POMP: variants seen among roughly 807,000 people sequenced by gnomAD.
The protein encoded by POMP is 2510048O06Rik.
POMP carries 12 observed loss-of-function variants against 20.6 expected under a neutral mutation model. That is an observed-to-expected ratio of 0.58 (90% CI 0.37 to 0.94). POMP has a LOEUF of 0.94. Ranked by LOEUF, POMP falls within the 40% of genes least tolerant of loss-of-function variation. The probability of loss-of-function intolerance (pLI) is 0.01; values close to 1 mark genes in which losing one functional copy is unlikely to be tolerated. For synonymous variants in POMP, 53 were observed against 55.0 expected, an observed-to-expected ratio of 0.96 and a Z score of 0.16; for missense variants, 136 against 161.1, an observed-to-expected ratio of 0.84 and a Z score of 0.84.
chr13:28,675,467 A>T (rs1884612937), intron 5 of POMP, among the ~76,000 whole-genome samples: 2 of 152,138 alleles, frequency 1.3e-5, no homozygotes, highest in Non-Finnish European at 2.9e-5. Flanking sequence ...CACCTGGTAG[A>T]TGATTACAGT....
At chr13:28,668,390 A>G in intron 3 of POMP, 83 bp from the exon 4 acceptor site, 2 of 928,912 alleles carry the variant, frequency 2.2e-6, no homozygotes, top group Non-Finnish European at 1.7e-6. Context: ...TCATCTAACT[A>G]TTGTGTTATA....
chr13:28,662,382 TTAA>T, intron 1 of POMP, 25 bp from the exon 2 acceptor site: 2 of 1,555,906 alleles, frequency 1.3e-6, no homozygotes, highest in Non-Finnish European at 1.8e-6. Flanking sequence ...TTTTTTCTAT[TTAA>T]TAATGTTTTT....
intron 5 of POMP, among the ~76,000 whole-genome samples, chr13:28,673,633 C>G (rs1884586884): frequency 6.6e-6 from 1 of 152,174 alleles, no homozygotes; most frequent in South Asian, 2.1e-4. Context: ...AGCCTCCTTT[C>G]AGAATCTTCC....
chr13:28,659,369 G>T lies in POMP; in HGVS notation c.3+182G>T, dbSNP rs59496599. On this transcript the variant is annotated intron_variant, in intron 1 of 5. Transcript: ENST00000380842. ...GTTTGGGTGGGTCGTGACTGTCGCCGGGGCCCGGCACTAGTCCCACTAGCA... is the reference window on the plus strand; with the variant it reads ...GTTTGGGTGGGTCGTGACTGTCGCCTGGGCCCGGCACTAGTCCCACTAGCA... 2.0e-5 allele frequency among the ~76,000 whole-genome samples: 3 copies of T among 152,302 alleles called. No homozygotes were observed. In the South Asian group the frequency reaches 6.2e-4, roughly 32 times the overall value.
chr13:28,674,722 G>A (rs1884601145), intron 5 of POMP, among the ~76,000 whole-genome samples: 1 of 152,192 alleles, frequency 6.6e-6, no homozygotes, highest in African/African-American at 2.4e-5. Context: ...AGGATGTAAT[G>A]TGATGGAATT....
intron 4 of POMP, 56 bp from the exon 5 acceptor site, chr13:28,672,283 C>G: frequency 7.8e-7 from 1 of 1,285,768 alleles, no homozygotes; most frequent in Non-Finnish European, 1.1e-6. Context: ...ACTATATATT[C>G]TGTCATTTTC....
chr13:28,678,219 A>G lies in POMP; in HGVS notation c.*117A>G. ...ACCTGAGAATTTCTGCTCAAGTAGT[A>G]TCAGTGATCATTTAAAATTTGGAGG... On this transcript the variant is annotated 3_prime_UTR_variant, in exon 6 of 6. Coordinates refer to ENST00000380842, the MANE Select transcript of POMP (RefSeq NM_015932.6). 4.9e-6 allele frequency: 5 copies of G among 1,013,966 alleles called. No individual in the cohort carries two copies. The South Asian group carries it at 6.6e-5, about 13-fold the overall frequency. 62.8% of individuals were successfully genotyped at this position (1,013,966 alleles called of 1,614,324 possible).
Position 28,678,151 on chromosome 13 carries a change from C to T in POMP, c.*49C>T, listed in dbSNP as rs762199983. 1 of 1,516,804 alleles carries T rather than the reference C, an allele frequency of 6.6e-7. No homozygotes were observed. Among genetic ancestry groups the T allele is most frequent in the African/African-American group, 1.4e-5 (1 of 72,562 alleles). The allele number at this position is 1,516,804 out of a possible 1,614,324, so 94.0% of individuals were successfully genotyped here. ...AGGGCTGCATCTTGTTTATAGTCAT[C>T]TTTGTACTGTAATTTGATGTACACA... is the stretch of plus-strand genomic sequence containing the variant. On this transcript the variant is annotated 3_prime_UTR_variant, in exon 6 of 6. Coordinates refer to ENST00000380842, the MANE Select transcript of POMP (RefSeq NM_015932.6).
intron 5 of POMP, among the ~76,000 whole-genome samples, chr13:28,676,948 G>A (rs111750249): frequency 5.8e-4 from 88 of 152,260 alleles, no homozygotes; most frequent in African/African-American, 2.1e-3. Flanking sequence ...CTGTCTTTTG[G>A]TGCAAGTGAT....
chr13:28,673,175 A>G (rs1190437316), intron 5 of POMP, among the ~76,000 whole-genome samples: 1 of 151,546 alleles, frequency 6.6e-6, no homozygotes, highest in Non-Finnish European at 1.5e-5. Context: ...AGTTCAAGCA[A>G]TTCTCCTGCC....
intron 2 of POMP, among the ~76,000 whole-genome samples, chr13:28,663,776 T>C (rs1329338004): frequency 6.6e-6 from 1 of 152,204 alleles, no homozygotes; most frequent in African/African-American, 2.4e-5. Context: ...GGCTAGGCAG[T>C]AACTAAGGTC....
At chr13:28,666,884 T>C (rs189325311) in intron 3 of POMP, among the ~76,000 whole-genome samples, 1 of 152,236 alleles carries the variant, frequency 6.6e-6, no homozygotes, top group Admixed American at 6.5e-5. Flanking sequence ...ACATTTTAGG[T>C]TGTCACAAGT....
intron 4 of POMP, 110 bp from the exon 5 acceptor site, chr13:28,672,229 G>T: frequency 1.2e-6 from 1 of 845,804 alleles, no homozygotes; most frequent in Non-Finnish European, 2.0e-6. Context: ...TCTTGTATTT[G>T]GTTTTGCGAA....
chr13:28,678,204 T>C lies in POMP; in HGVS notation c.*102T>C, dbSNP rs1318511315. 10 of 1,204,598 alleles carry C rather than the reference T, an allele frequency of 8.3e-6. No homozygotes were observed. The East Asian group carries it at 2.1e-4, about 26-fold the overall frequency. 74.6% of individuals were successfully genotyped at this position (1,204,598 alleles called of 1,614,324 possible). On this transcript the variant is annotated 3_prime_UTR_variant, in exon 6 of 6. Coordinates refer to ENST00000380842, the MANE Select transcript of POMP (RefSeq NM_015932.6). ...ATTAAAAGTACTGACACCTGAGAAT[T>C]TCTGCTCAAGTAGTATCAGTGATCA...
chr13:28,661,420 T>G (rs1884339831), intron 1 of POMP, among the ~76,000 whole-genome samples: 1 of 152,232 alleles, frequency 6.6e-6, no homozygotes, highest in South Asian at 2.1e-4. Context: ...TAGCCGTGAT[T>G]GCTCGACTGC....
In POMP at chr13:28,677,732, A is replaced by T. The variant is rs368561657; in HGVS notation, c.359-303A>T. ...CAATCTGTTTTTTCTTTTTAAATCCACTATTTTGAGATATTATTGACATAC... is the reference window on the plus strand; with the variant it reads ...CAATCTGTTTTTTCTTTTTAAATCCTCTATTTTGAGATATTATTGACATAC... On this transcript the variant is annotated intron_variant, in intron 5 of 5. Transcript: ENST00000380842. 2.4e-4 allele frequency among the ~76,000 whole-genome samples: 37 copies of T among 152,302 alleles called. No homozygotes were observed. In the South Asian group the frequency reaches 7.7e-3, roughly 32 times the overall value.
rs1413473473 is a variant in POMP at position 28,659,184 on chromosome 13, G to A, written c.-1G>A. On this transcript the variant is annotated 5_prime_UTR_variant, in exon 1 of 6. Transcript: ENST00000380842. ...AGAGGCTGTTCGCAGAGCTGCGGAA[G>A]ATGGTGAGTGGGTACCCGGGCGGCT... The A allele has an allele frequency of 6.3e-7, 1 of 1,589,986 alleles. No individual in the cohort carries two copies. The highest frequency in any genetic ancestry group is 8.6e-7 in the Non-Finnish European group (1 of 1,169,234).
chr13:28,665,314 TTTG>T (rs1192022483), intron 3 of POMP, among the ~76,000 whole-genome samples: 2 of 152,164 alleles, frequency 1.3e-5, no homozygotes, highest in Admixed American at 1.3e-4. Context: ...GTATTTTGTT[TTTG>T]TTGTTTGTTT....
At chr13:28,675,592 A>C (rs965596540) in intron 5 of POMP, among the ~76,000 whole-genome samples, 2 of 152,216 alleles carry the variant, frequency 1.3e-5, no homozygotes, top group African/African-American at 4.8e-5. Context: ...TCTGCCTCAA[A>C]TAGTTTACCC....
Sources: allele counts gnomAD v4.1 joint callset (sites outside exome capture counted in the v4.1 genomes callset), GRCh38; gene constraint gnomAD v4.1.1; transcripts MANE v1.5; gene names NCBI Gene and HGNC (gene_info 2026-07-23, HGNC 2026-07-21).